ADGRB3: variants seen among roughly 807,000 people sequenced by gnomAD.
The protein encoded by ADGRB3 is adhesion G protein-coupled receptor B3.
Under a neutral mutation model 193.4 loss-of-function variants are expected in ADGRB3, and 37 were observed. The ratio of observed to expected loss-of-function variants is 0.19; its 90% CI spans 0.15 to 0.25. The LOEUF (loss-of-function observed/expected upper bound fraction) is 0.25, where lower values mean the gene tolerates loss of function less well. ADGRB3 is among the 10% of genes least tolerant of loss of function. The pLI is 1.00. For synonymous variants in ADGRB3, 690 were observed against 644.2 expected (o/e 1.07, Z -1.08); for missense variants, 1,637 against 1,852.9 (o/e 0.88, Z 2.14).
chr6:69,357,285 T>G (rs944734513), intron 28 of ADGRB3, among the ~76,000 whole-genome samples: 2 of 152,110 alleles, frequency 1.3e-5, no homozygotes, highest in African/African-American at 4.8e-5. Context: ...TTCCTAAAAC[T>G]TTTTGTAGAA....
At chr6:69,046,426 G>T (rs1771240351) in intron 13 of ADGRB3, among the ~76,000 whole-genome samples, 1 of 152,154 alleles carries the variant, frequency 6.6e-6, no homozygotes, top group Non-Finnish European at 1.5e-5. Flanking sequence ...ATACAGCAGG[G>T]ATTTGGACCC....
chr6:68,750,320 A>T (rs1766171461), intron 3 of ADGRB3, among the ~76,000 whole-genome samples: 1 of 152,148 alleles, frequency 6.6e-6, no homozygotes, highest in Non-Finnish European at 1.5e-5. Context: ...ATACAATTAC[A>T]ATCTATGTGA....
intron 3 of ADGRB3, among the ~76,000 whole-genome samples, chr6:68,731,211 T>G (rs1765768267): frequency 6.6e-6 from 1 of 151,686 alleles, no homozygotes; most frequent in Admixed American, 6.6e-5. Context: ...TATATCTAAT[T>G]ATTTTACCAT....
intron 11 of ADGRB3, among the ~76,000 whole-genome samples, chr6:69,001,032 G>A (rs1249898154): frequency 6.6e-6 from 1 of 152,044 alleles, no homozygotes; most frequent in Non-Finnish European, 1.5e-5. Flanking sequence ...AGCTGCTTAT[G>A]ATATCATTGA....
intron 17 of ADGRB3, among the ~76,000 whole-genome samples, chr6:69,088,247 A>G (rs1301383176): frequency 6.6e-6 from 1 of 152,176 alleles, no homozygotes; most frequent in African/African-American, 2.4e-5. Context: ...ATTGACACAT[A>G]TGTTATACAA....
chr6:68,817,157 G>T (rs1400011606), intron 3 of ADGRB3, among the ~76,000 whole-genome samples: 1 of 151,180 alleles, frequency 6.6e-6, no homozygotes, highest in Non-Finnish European at 1.5e-5. Context: ...GCCATTGCTG[G>T]TATTTTATAA....
At chr6:69,231,369 G>A (rs1766132276) in intron 17 of ADGRB3, among the ~76,000 whole-genome samples, 1 of 152,212 alleles carries the variant, frequency 6.6e-6, no homozygotes, top group Non-Finnish European at 1.5e-5. Context: ...ATTGGGCATA[G>A]CTGCATAACT....
At chr6:69,155,736 C>G (rs539451931) in intron 17 of ADGRB3, among the ~76,000 whole-genome samples, 32 of 152,194 alleles carry the variant, frequency 2.1e-4, no homozygotes, top group African/African-American at 7.7e-4. Context: ...TATAGGCCAG[C>G]GTATTTCCAA....
At chr6:68,934,509 G>T (rs988537805) in intron 4 of ADGRB3, among the ~76,000 whole-genome samples, 1 of 152,094 alleles carries the variant, frequency 6.6e-6, no homozygotes, top group Non-Finnish European at 1.5e-5. Flanking sequence ...TGGTAAAATA[G>T]AACTAATTTT....
At chr6:68,876,186 C>A (rs1268900410) in intron 3 of ADGRB3, among the ~76,000 whole-genome samples, 1 of 152,036 alleles carries the variant, frequency 6.6e-6, no homozygotes, top group East Asian at 1.9e-4. Flanking sequence ...TATTACTATA[C>A]ACATATACAA....
intron 17 of ADGRB3, among the ~76,000 whole-genome samples, chr6:69,137,639 A>T (rs1774191015): frequency 6.6e-6 from 1 of 152,096 alleles, no homozygotes; most frequent in Non-Finnish European, 1.5e-5. Context: ...TCTACTAAAA[A>T]TACAAAAATT....
chr6:68,795,545 G>T (rs917055740), intron 3 of ADGRB3, among the ~76,000 whole-genome samples: 4 of 152,060 alleles, frequency 2.6e-5, no homozygotes, highest in African/African-American at 9.7e-5. Flanking sequence ...ATCTTAAGGT[G>T]CTCTTAGCTG....
intron 17 of ADGRB3, among the ~76,000 whole-genome samples, chr6:69,130,606 T>C (rs1773983682): frequency 6.6e-6 from 1 of 151,064 alleles, no homozygotes; most frequent in South Asian, 2.1e-4. Context: ...TTTTTTTTCC[T>C]CTGTTTCTTT....
intron 3 of ADGRB3, among the ~76,000 whole-genome samples, chr6:68,829,243 G>T (rs1767908781): frequency 6.6e-6 from 1 of 151,702 alleles, no homozygotes; most frequent in African/African-American, 2.4e-5. Flanking sequence ...GGGATTACAG[G>T]CTCCCGCCAC....
intron 3 of ADGRB3, among the ~76,000 whole-genome samples, chr6:68,653,455 A>G (rs891587610): frequency 6.6e-6 from 1 of 152,174 alleles, no homozygotes; most frequent in Non-Finnish European, 1.5e-5. Context: ...ATGTCAGTAA[A>G]TGATATTTTG....
At chr6:69,171,817 TG>T (rs1461443871) in intron 17 of ADGRB3, among the ~76,000 whole-genome samples, 3 of 152,180 alleles carry the variant, frequency 2.0e-5, no homozygotes, top group Admixed American at 6.5e-5. Flanking sequence ...ATATATCCTG[TG>T]GAAGATGTTG....
intron 3 of ADGRB3, among the ~76,000 whole-genome samples, chr6:68,895,221 ATTT>A (rs35758730): frequency 2.0e-5 from 3 of 147,480 alleles, no homozygotes; most frequent in Admixed American, 6.8e-5. Flanking sequence ...GCTGAGACTA[ATTT>A]TTTTTTTTTT....
At chr6:68,779,924 T>C (rs1372319267) in intron 3 of ADGRB3, among the ~76,000 whole-genome samples, 1 of 152,134 alleles carries the variant, frequency 6.6e-6, no homozygotes, top group Non-Finnish European at 1.5e-5. Flanking sequence ...ACTTTTTTTA[T>C]CCTACAGAGA....
At chr6:68,768,284 C>T (rs1187121643) in intron 3 of ADGRB3, among the ~76,000 whole-genome samples, 1 of 152,136 alleles carries the variant, frequency 6.6e-6, no homozygotes, top group Non-Finnish European at 1.5e-5. Context: ...AACCTGACTT[C>T]AAACTATACT....
Sources: gnomAD v4.1 joint callset for allele counts (sites outside exome capture counted in the v4.1 genomes callset) on GRCh38, gnomAD v4.1.1 for gene constraint, MANE v1.5 for transcripts, NCBI Gene and HGNC (gene_info 2026-07-23, HGNC 2026-07-21) for gene names.